ADGRG6: variants seen among roughly 807,000 people sequenced by gnomAD.
ADGRG6 encodes G-protein coupled receptor 126.
A neutral mutation model predicts 142.4 loss-of-function variants in ADGRG6; 84 were observed. The observed-to-expected ratio is 0.59, with a 90% CI of 0.49 to 0.71. ADGRG6 has a LOEUF of 0.71. Ranked by LOEUF, ADGRG6 falls within the 30% of genes least tolerant of loss-of-function variation. ADGRG6 has a pLI of 0.00. For missense variants in ADGRG6, 1,367 were observed against 1,466.6 expected (o/e 0.93, Z 1.11); for synonymous variants, 521 against 520.5 (o/e 1.00, Z -0.01).
chr6:142,326,568 T>C (rs1286465988), intron 2 of ADGRG6, among the ~76,000 whole-genome samples: 1 of 151,916 alleles, frequency 6.6e-6, no homozygotes, highest in Non-Finnish European at 1.5e-5. Context: ...AGTGTCACAC[T>C]GAATACCAAC....
chr6:142,357,173 GA>G (rs981065838), intron 2 of ADGRG6, among the ~76,000 whole-genome samples: 1 of 152,062 alleles, frequency 6.6e-6, no homozygotes, highest in Non-Finnish European at 1.5e-5. Context: ...AGTTTGAATA[GA>G]AGAAAACTTT....
At chr6:142,330,038 A>G (rs925944381) in intron 2 of ADGRG6, among the ~76,000 whole-genome samples, 1 of 152,070 alleles carries the variant, frequency 6.6e-6, no homozygotes, top group Non-Finnish European at 1.5e-5. Context: ...TGCTGGAAGA[A>G]ATTTTTCATT....
intron 2 of ADGRG6, among the ~76,000 whole-genome samples, chr6:142,356,545 T>TAC: frequency 6.6e-6 from 1 of 152,228 alleles, no homozygotes; most frequent in Non-Finnish European, 1.5e-5. Flanking sequence ...CTGTGAACTA[T>TAC]ACAGGGCACT....
chr6:142,350,132 C>T (rs1780095505), intron 2 of ADGRG6, among the ~76,000 whole-genome samples: 2 of 152,086 alleles, frequency 1.3e-5, no homozygotes, highest in African/African-American at 4.8e-5. Flanking sequence ...AATGTAACAC[C>T]ACCCACTTTG....
At chr6:142,371,789 TA>T (rs1311820189) in intron 4 of ADGRG6, among the ~76,000 whole-genome samples, 1 of 152,174 alleles carries the variant, frequency 6.6e-6, no homozygotes, top group Admixed American at 6.5e-5. Flanking sequence ...CCGGCCCAGT[TA>T]CTGTTTTTAA....
chr6:142,382,400 G>A (rs1401035417), intron 5 of ADGRG6, among the ~76,000 whole-genome samples: 1 of 152,094 alleles, frequency 6.6e-6, no homozygotes, highest in East Asian at 1.9e-4. Context: ...AAAATAAAGA[G>A]GGAAATTAAT....
chr6:142,329,322 AT>A (rs2114653723), intron 2 of ADGRG6, among the ~76,000 whole-genome samples: 2 of 152,142 alleles, frequency 1.3e-5, no homozygotes, highest in South Asian at 4.1e-4. Context: ...CATTAGCCAT[AT>A]TTTTTCCTTT....
chr6:142,431,309 T>C (rs2115163434), intron 22 of ADGRG6, among the ~76,000 whole-genome samples: 1 of 152,194 alleles, frequency 6.6e-6, no homozygotes, highest in East Asian at 1.9e-4. Flanking sequence ...TTCTAAGGAA[T>C]TTTGGCTTGG....
At chr6:142,345,690 A>G (rs1779866354) in intron 2 of ADGRG6, among the ~76,000 whole-genome samples, 1 of 152,162 alleles carries the variant, frequency 6.6e-6, no homozygotes, top group South Asian at 2.1e-4. Context: ...TCAGTCAACT[A>G]AAAATATATT....
chr6:142,331,256 C>CT (rs748705705), intron 2 of ADGRG6, among the ~76,000 whole-genome samples: 1 of 151,868 alleles, frequency 6.6e-6, no homozygotes, highest in Non-Finnish European at 1.5e-5. Flanking sequence ...TATGCTGCCT[C>CT]TTTTTTTTCA....
chr6:142,332,584 C>A (rs1396035826), intron 2 of ADGRG6, among the ~76,000 whole-genome samples: 1 of 151,550 alleles, frequency 6.6e-6, no homozygotes, highest in Non-Finnish European at 1.5e-5. Flanking sequence ...GGCAGTTTCT[C>A]TAGGAAATGA....
At chr6:142,317,968 TTA>T (rs1286454148) in intron 2 of ADGRG6, among the ~76,000 whole-genome samples, 40 of 64,580 alleles carry the variant, frequency 6.2e-4, no homozygotes, top group African/African-American at 1.8e-3. Context: ...TATTTATATA[TTA>T]TATATATTTA....
chr6:142,381,234 A>G (rs559763020), intron 4 of ADGRG6, among the ~76,000 whole-genome samples: 1 of 152,350 alleles, frequency 6.6e-6, no homozygotes, highest in South Asian at 2.1e-4. Flanking sequence ...CGTGCATATT[A>G]TATATGTGTG....
intron 8 of ADGRG6, among the ~76,000 whole-genome samples, chr6:142,393,271 A>G (rs1185139252): frequency 1.3e-5 from 2 of 152,150 alleles, no homozygotes; most frequent in African/African-American, 4.8e-5. Flanking sequence ...TCGGATAATT[A>G]AATATAAATA....
intron 6 of ADGRG6, among the ~76,000 whole-genome samples, chr6:142,385,963 C>T (rs76149851): frequency 0.011 from 1,725 of 152,236 alleles, 35 homozygotes; most frequent in African/African-American, 0.039. Flanking sequence ...GAAAGATTGG[C>T]ACAACTGTCA....
intron 4 of ADGRG6, among the ~76,000 whole-genome samples, chr6:142,373,497 A>C (rs530643956): frequency 6.6e-6 from 1 of 152,158 alleles, no homozygotes; most frequent in Admixed American, 6.5e-5. Flanking sequence ...TCTAGACCAG[A>C]GGTTGGCAAA....
At chr6:142,422,614 A>G (rs1411212514) in intron 22 of ADGRG6, among the ~76,000 whole-genome samples, 10 of 150,972 alleles carry the variant, frequency 6.6e-5, no homozygotes, top group African/African-American at 2.2e-4. Context: ...GAATAATGCC[A>G]CAATAAACAT....
At chr6:142,360,532 C>T (rs1780660434) in intron 2 of ADGRG6, among the ~76,000 whole-genome samples, 1 of 152,126 alleles carries the variant, frequency 6.6e-6, no homozygotes, top group Non-Finnish European at 1.5e-5. Flanking sequence ...TAGGACAGGC[C>T]ACAAGGAACA....
chr6:142,365,909 G>T (rs1780922863), intron 2 of ADGRG6, among the ~76,000 whole-genome samples: 1 of 152,158 alleles, frequency 6.6e-6, no homozygotes, highest in South Asian at 2.1e-4. Context: ...ATGCATTCTA[G>T]TCAACTCAGT....
Sources: gnomAD v4.1 joint callset for allele counts (sites outside exome capture counted in the v4.1 genomes callset) on GRCh38, gnomAD v4.1.1 for gene constraint, MANE v1.5 for transcripts, NCBI Gene and HGNC (gene_info 2026-07-23, HGNC 2026-07-21) for gene names.